ZNF442: variants seen among roughly 807,000 people sequenced by gnomAD.
The protein encoded by ZNF442 is zinc finger protein 442.
ZNF442 carries 45 observed loss-of-function variants against 57.0 expected under a neutral mutation model. The observed-to-expected ratio is 0.79, with a 90% confidence interval of 0.62 to 1.01. The LOEUF (loss-of-function observed/expected upper bound fraction) is 1.01. Among genes scored for constraint, ZNF442 ranks in the 50% least tolerant of loss-of-function variants. The pLI, the probability that ZNF442 is intolerant of heterozygous loss-of-function variation, is 0.00. For synonymous variants in ZNF442, 213 were observed against 241.8 expected, an observed-to-expected ratio of 0.88 and a Z score of 1.10; for missense variants, 690 against 756.5, an observed-to-expected ratio of 0.91 and a Z score of 1.03.
chr19:12,370,558 G>A (rs1322020840), upstream of ZNF442, among the ~76,000 whole-genome samples: 1 of 152,022 alleles, frequency 6.6e-6, no homozygotes, highest in African/African-American at 2.4e-5. Context: ...TTTTGAGCAG[G>A]CCTTATCTTA....
intron 3 of ZNF442, among the ~76,000 whole-genome samples, chr19:12,356,608 C>T (rs1247685878): frequency 6.9e-6 from 1 of 145,824 alleles, no homozygotes; most frequent in African/African-American, 2.7e-5. Flanking sequence ...GCCTGGGCAA[C>T]AAGAGTGAAA....
At chr19:12,364,114 T>C (rs1213144910) in intron 2 of ZNF442, among the ~76,000 whole-genome samples, 1 of 152,054 alleles carries the variant, frequency 6.6e-6, no homozygotes, top group African/African-American at 2.4e-5. Context: ...ACACAAATCT[T>C]TTAAGAAGCC....
chr19:12,351,256 G>A lies in ZNF442; in HGVS notation c.329C>T (p.Pro110Leu), dbSNP rs754416665. The A allele has an allele frequency of 3.1e-6, 5 of 1,614,072 alleles. No homozygotes were observed. The highest frequency in any genetic ancestry group is 1.1e-5 in the South Asian group (1 of 91,076). ...GCTTTTACATGGATCTACTCCAGGA[G>A]GTTTTTCATTCACAGTACTATCTGG... is the stretch of plus-strand genomic sequence containing the variant. ...RQPDSTVNEK[P>L]PGVDPCKSSV... is the part of the protein sequence containing the mutation. Residue 110 changes from proline to leucine, a missense_variant, in exon 6 of 6, where the codon CCT becomes CTT. Transcript: ENST00000242804.
At position 12,351,118 on chromosome 19, in the gene ZNF442, T is replaced by G; in HGVS notation, c.467A>C (p.Lys156Thr). 1 of 1,614,166 alleles carries G rather than the reference T, an allele frequency of 6.2e-7. No homozygotes were observed. ...ATAATTGAAGGCTGTCCCACATTGT[T>G]TATGTGTATGTGGCTTCTCTCCATA... is the stretch of plus-strand genomic sequence containing the variant. ...QEYGEKPHTH[K>T]QCGTAFNYHH... Residue 156 changes from lysine to threonine, a missense_variant, in exon 6 of 6, where the codon AAA (lysine) becomes ACA (threonine). By Grantham distance (78) the Lys-to-Thr change is moderately conservative. Transcript: ENST00000242804.
At chr19:12,371,848 A>G in the ZNF442 span, among the ~76,000 whole-genome samples, 2 of 152,230 alleles carry the variant, frequency 1.3e-5, no homozygotes. Flanking sequence ...ACACCCTGGA[A>G]GAAAACCTAG....
In ZNF442 at chr19:12,364,010, A is replaced by C. The variant is rs182510294; in HGVS notation, c.-40-339T>G. On this transcript the variant is annotated intron_variant, in intron 2 of 5. Transcript: ENST00000242804. ...GGTATCCGTACCCAGGGGAAAGAAA[A>C]GGAGAGACACAAAGGTTTTTTTGTT... Among the ~76,000 whole-genome samples the C allele has an allele frequency of 2.2e-4, 33 of 152,346 alleles. 1 individual carries two copies. In the East Asian group the frequency reaches 6.4e-3, roughly 29 times the overall value.
In ZNF442 at chr19:12,349,561, T is replaced by C. The variant is rs538355863; in HGVS notation, c.*140A>G. 1.9e-5 allele frequency: 16 copies of C among 842,542 alleles called. No homozygotes were observed. In the East Asian group the frequency reaches 3.5e-4, roughly 18 times the overall value. 52.2% of individuals were successfully genotyped at this position (842,542 alleles called of 1,614,324 possible). A position where few individuals can be genotyped will look rare whatever the true frequency, so the allele number is the denominator to read the frequency against. On this transcript the variant is annotated 3_prime_UTR_variant, in exon 6 of 6. Transcript: ENST00000242804. ...CTTAGGGGGTCTGGAACCAATCCCC[T>C]GCATATGGTTAGGGGATAACCATAT...
rs1969224270 is a variant in ZNF442, at chr19:12,350,985, T to C, written c.600A>G (p.Ile200Met). 1 of 1,614,174 alleles carries C rather than the reference T, an allele frequency of 6.2e-7. No individual in the cohort carries two copies. The highest frequency in any genetic ancestry group is 8.5e-7 in the Non-Finnish European group (1 of 1,180,006). The change falls in exon 6 of 6, where the codon ATA becomes ATG. Residue 200 changes from isoleucine to methionine, a missense_variant. Ile to Met is a conservative substitution (Grantham distance 10, BLOSUM62 1). Coordinates refer to ENST00000242804, the MANE Select transcript of ZNF442 (RefSeq NM_030824.3). The part of the protein sequence containing the change: ...FSSSGNLRRH[I>M]IVQRGGGPYI... Reference sequence around the variant, plus strand: ...AAGGTCCACCTCCACGTTGTACTATTATGTGTCTTCGAAGGTTTCCCGAAG... The same window carrying C: ...AAGGTCCACCTCCACGTTGTACTATCATGTGTCTTCGAAGGTTTCCCGAAG...
upstream of ZNF442, among the ~76,000 whole-genome samples, chr19:12,366,798 T>C (rs1969537153): frequency 6.6e-6 from 1 of 152,136 alleles, no homozygotes; most frequent in Non-Finnish European, 1.5e-5. Context: ...CATGCCCAGC[T>C]AATTTTTTTG....
At chr19:12,367,146 G>A (rs527372325), upstream of ZNF442, among the ~76,000 whole-genome samples, 158 of 152,246 alleles carry the variant, frequency 1.0e-3, 1 homozygote, top group African/African-American at 3.4e-3. Flanking sequence ...ATATTTCAAC[G>A]TAGGTTCTAT....
At chr19:12,369,903 TAAA>T (rs76338567), upstream of ZNF442, among the ~76,000 whole-genome samples, 1 of 140,502 alleles carries the variant, frequency 7.1e-6, no homozygotes. Context: ...AGACTCCATC[TAAA>T]AAAAAAAAAA....
rs542017525 is a variant in ZNF442 at position 12,363,617 on chromosome 19, C to T, written c.15G>A (p.Gly5=). The change falls in exon 3 of 6, where the codon GGG becomes GGA. Residue 5 remains glycine, a synonymous_variant. Coordinates refer to ENST00000242804, the MANE Select transcript of ZNF442 (RefSeq NM_030824.3). ...GGAAGAGATCACTTCTGTCTTCTCC[C>T]CCAAATACAATCATTCAACTGGCTG... MIVF[G]GEDRSDLFLP... The T allele has an allele frequency of 8.1e-6, 13 of 1,614,134 alleles. No individual in the cohort carries two copies. The South Asian group carries it at 1.2e-4, about 15-fold the overall frequency.
In ZNF442 at chr19:12,365,560, G is replaced by A. The variant is rs1210586517; in HGVS notation, c.-510C>T. On this transcript the variant is annotated 5_prime_UTR_variant, in exon 1 of 6. Coordinates refer to ENST00000242804, the MANE Select transcript of ZNF442 (RefSeq NM_030824.3). ...TTTCCCGGCTTCCGCGGTGTCCCGT[G>A]TTCTCCCCAAGGTTCCCCGCTGCCA... 4 of 487,596 alleles carry A rather than the reference G, an allele frequency of 8.2e-6. No individual in the cohort carries two copies. The highest frequency in any genetic ancestry group is 1.1e-5 in the Non-Finnish European group (3 of 267,332). The allele number at this position is 487,596 out of a possible 1,614,324, so 30.2% of individuals were successfully genotyped here. A position where few individuals can be genotyped will look rare whatever the true frequency, so the allele number is the denominator to read the frequency against.
chr19:12,355,507 G>A (rs1343414094), intron 3 of ZNF442, among the ~76,000 whole-genome samples: 7 of 148,866 alleles, frequency 4.7e-5, no homozygotes, highest in South Asian at 2.2e-4. Context: ...GATTACAGGC[G>A]CACACCACAC....
At chr19:12,369,701 T>C (rs1454127089), upstream of ZNF442, among the ~76,000 whole-genome samples, 1 of 151,578 alleles carries the variant, frequency 6.6e-6, no homozygotes, top group Non-Finnish European at 1.5e-5. Flanking sequence ...ATCGAGACCA[T>C]CCTGGGTAAC....
chr19:12,360,481 G>A (rs1192072900), intron 3 of ZNF442, among the ~76,000 whole-genome samples: 2 of 152,158 alleles, frequency 1.3e-5, no homozygotes, highest in East Asian at 1.9e-4. Flanking sequence ...GGGAGTCACC[G>A]GCCTCAGGCC....
upstream of ZNF442, among the ~76,000 whole-genome samples, chr19:12,367,737 C>T (rs182090174): frequency 2.6e-5 from 4 of 151,998 alleles, no homozygotes; most frequent in Admixed American, 6.6e-5. Flanking sequence ...GGCACAATCT[C>T]GGCTCACTGC....
At chr19:12,372,896 C>T in the ZNF442 span, among the ~76,000 whole-genome samples, 1 of 152,182 alleles carries the variant, frequency 6.6e-6, no homozygotes, top group African/African-American at 2.4e-5. Context: ...GCCTCAGCCT[C>T]CTGAGTAGAT....
intron 3 of ZNF442, among the ~76,000 whole-genome samples, chr19:12,362,537 C>T (rs1413030005): frequency 1.3e-5 from 2 of 151,372 alleles, no homozygotes; most frequent in Non-Finnish European, 3.0e-5. Flanking sequence ...CCGCCCCCTC[C>T]AGGAGGTGGG....
Sources: gnomAD v4.1 joint callset for allele counts (sites outside exome capture counted in the v4.1 genomes callset) on GRCh38, gnomAD v4.1.1 for gene constraint, MANE v1.5 for transcripts, NCBI Gene and HGNC (gene_info 2026-07-23, HGNC 2026-07-21) for gene names.